The following PCSK5 variants were observed in gnomAD, a reference collection of about 807,000 sequenced individuals.
PCSK5 encodes proprotein convertase subtilisin/kexin type 5.
A neutral mutation model predicts 233.2 loss-of-function variants in PCSK5; 129 were observed. That is an observed-to-expected ratio of 0.55 (90% confidence interval 0.48 to 0.64). PCSK5 has a LOEUF of 0.64. Among genes scored for constraint, PCSK5 ranks in the 30% least tolerant of loss-of-function variants. The pLI is 0.00. For missense variants in PCSK5, 2,076 were observed against 2,430.1 expected, an observed-to-expected ratio of 0.85 and a Z score of 3.06; for synonymous variants, 825 against 879.2, an observed-to-expected ratio of 0.94 and a Z score of 1.09.
At chr9:76,348,806 C>T (rs1234777451) in intron 35 of PCSK5, among the ~76,000 whole-genome samples, 1 of 152,016 alleles carries the variant, frequency 6.6e-6, no homozygotes, top group African/African-American at 2.4e-5. Flanking sequence ...CCTCAGCCCC[C>T]CAGCCCCCAG....
chr9:76,263,435 A>C (rs1249843382), intron 24 of PCSK5, among the ~76,000 whole-genome samples: 4 of 152,242 alleles, frequency 2.6e-5, no homozygotes, highest in Non-Finnish European at 5.9e-5. Flanking sequence ...ACACCACGGA[A>C]TACTATAAAG....
At chr9:76,309,496 C>G (rs538148647) in intron 29 of PCSK5, among the ~76,000 whole-genome samples, 12 of 152,170 alleles carry the variant, frequency 7.9e-5, no homozygotes, top group Admixed American at 5.9e-4. Flanking sequence ...GAGTTGGAGA[C>G]CTGCCTGGCC....
At position 76,310,781 on chromosome 9, in the gene PCSK5, A is replaced by C. The variant is rs2131438498; in HGVS notation, c.3814A>C (p.Lys1272Gln). 1 of 1,612,112 alleles carries C rather than the reference A, an allele frequency of 6.2e-7. No individual in the cohort carries two copies. The highest frequency in any genetic ancestry group is 8.5e-7 in the Non-Finnish European group (1 of 1,179,572). The change falls in exon 30 of 38, where the codon AAA (lysine) becomes CAA (glutamine). Residue 1272 changes from lysine to glutamine, a missense_variant. Around this residue, in one of 6 missense-constraint regions of PCSK5, gnomAD observed 1,510 missense variants for 1,538.1 expected, o/e 0.98. Transcript: ENST00000674117. The part of the protein sequence containing the change: ...CAICSGADLC[K>Q]KCQMQPGHPL... ...CATCTGCTCTGGAGCCGATCTTTGC[A>C]AAAAATGCCAGATGCAGCCGGGCCA...
At chr9:76,129,529 G>A (rs1822669770) in intron 9 of PCSK5, among the ~76,000 whole-genome samples, 1 of 152,094 alleles carries the variant, frequency 6.6e-6, no homozygotes, top group African/African-American at 2.4e-5. Flanking sequence ...AAATTACAAT[G>A]AGGATGTATT....
intron 1 of PCSK5, 82 bp downstream of exon 1, chr9:75,891,455 C>T: frequency 8.7e-7 from 1 of 1,147,840 alleles, no homozygotes; most frequent in Non-Finnish European, 1.2e-6. Context: ...ACCCCCTCCC[C>T]CTCTTCCAGA....
At chr9:76,286,726 T>A (rs781171857) in intron 24 of PCSK5, 1 of 164,086 alleles carries the variant, frequency 6.1e-6, no homozygotes, top group African/African-American at 2.4e-5. Flanking sequence ...TGGAGGTAGG[T>A]TGAAGTCATT....
rs751769055 is a variant in PCSK5 at position 76,323,180 on chromosome 9, G to A, written c.4231G>A (p.Asp1411Asn). 1.1e-5 allele frequency: 17 copies of A among 1,612,734 alleles called. No individual in the cohort carries two copies. The highest frequency in any genetic ancestry group is 5.5e-5 in the South Asian group (5 of 91,082). Residue 1411 changes from aspartate to asparagine, a missense_variant, in exon 32 of 38, where the codon GAC becomes AAC. This residue lies in a region of PCSK5 where 1,510 missense variants were observed against 1,538.1 expected (regional missense o/e 0.98). Transcript: ENST00000674117. ...TCTGGAGTGCAGTGGCCCCAAAGCCGACGACTGCGAGCTCTGTCTTGAGAG... is the reference window on the plus strand; with the variant it reads ...TCTGGAGTGCAGTGGCCCCAAAGCCAACGACTGCGAGCTCTGTCTTGAGAG... ...DCLECSGPKA[D>N]DCELCLESSW...
chr9:76,186,644 C>T (rs976147363), intron 17 of PCSK5, among the ~76,000 whole-genome samples: 3 of 152,172 alleles, frequency 2.0e-5, no homozygotes, highest in African/African-American at 7.2e-5. Context: ...CATTCCTTCT[C>T]CATACAGTGC....
At chr9:76,206,683 G>A (rs1825128114) in intron 20 of PCSK5, among the ~76,000 whole-genome samples, 1 of 152,204 alleles carries the variant, frequency 6.6e-6, no homozygotes, top group Non-Finnish European at 1.5e-5. Flanking sequence ...GTTTCACATA[G>A]CTTTTTGCCC....
At chr9:76,014,658 C>T (rs185202351) in intron 3 of PCSK5, among the ~76,000 whole-genome samples, 5 of 152,280 alleles carry the variant, frequency 3.3e-5, no homozygotes, top group East Asian at 1.9e-4. Context: ...GCCCACCTGT[C>T]GCTATGTTAC....
chr9:76,117,265 G>A (rs1023899291), intron 9 of PCSK5, among the ~76,000 whole-genome samples: 2 of 152,184 alleles, frequency 1.3e-5, no homozygotes, highest in Middle Eastern at 3.4e-3. Flanking sequence ...TGTGTGTGAG[G>A]CCTTGAACTT....
At chr9:75,971,050 A>C (rs1825796997) in intron 2 of PCSK5, among the ~76,000 whole-genome samples, 1 of 152,016 alleles carries the variant, frequency 6.6e-6, no homozygotes, top group Non-Finnish European at 1.5e-5. Flanking sequence ...CCCCACATGC[A>C]TTAGCTATTT....
chr9:76,189,097 CAGG>C lies in PCSK5; in HGVS notation c.2387_2389del (p.Gly796del). On this transcript the variant is annotated inframe_deletion, in exon 19 of 38. Coordinates refer to ENST00000674117, the MANE Select transcript of PCSK5 (RefSeq NM_001372043.1). ...CTGTGTTTGTCTTGCTTTTAAGGGG[CAGG>C]AGCTGATGGGTGCATTAACTGCACA... 2 of 1,613,040 alleles carry C rather than the reference CAGG, an allele frequency of 1.2e-6. No homozygotes were observed. The highest frequency in any genetic ancestry group is 1.7e-6 in the Non-Finnish European group (2 of 1,179,644).
At chr9:75,909,778 G>A (rs77966811) in intron 1 of PCSK5, among the ~76,000 whole-genome samples, 2,748 of 152,304 alleles carry the variant, frequency 0.018, 40 homozygotes, top group South Asian at 0.035. Context: ...AATAAAGCCC[G>A]CAGCAGTTGT....
chr9:76,003,139 G>A (rs968621605), intron 3 of PCSK5, among the ~76,000 whole-genome samples: 4 of 152,200 alleles, frequency 2.6e-5, no homozygotes, highest in Non-Finnish European at 5.9e-5. Flanking sequence ...CGAGGCTATG[G>A]AAAGAGGTCA....
chr9:76,025,944 T>TA lies in PCSK5; in HGVS notation c.556-1007dup, dbSNP rs202102766. 4.3e-3 allele frequency among the ~76,000 whole-genome samples: 638 copies of TA among 149,916 alleles called. 2 individuals are homozygous for TA. Among genetic ancestry groups the TA allele is most frequent in the Middle Eastern group, 0.041 (12 of 292 alleles). ...CCAAAATAATTAATTTTAAAAATAG[T>TA]AAAAAAAAAATAACTGGGTGTGATG... On this transcript the variant is annotated intron_variant, in intron 4 of 37. Coordinates refer to ENST00000674117, the MANE Select transcript of PCSK5 (RefSeq NM_001372043.1).
intron 32 of PCSK5, among the ~76,000 whole-genome samples, chr9:76,326,406 T>A (rs957061335): frequency 2.6e-5 from 4 of 151,136 alleles, no homozygotes; most frequent in Non-Finnish European, 5.9e-5. Context: ...AAAAAAAATC[T>A]GTAAGCAGGA....
chr9:75,986,091 C>A, intron 2 of PCSK5, 41 bp from the exon 3 acceptor site: 2 of 1,150,950 alleles, frequency 1.7e-6, no homozygotes, highest in South Asian at 1.2e-5. Flanking sequence ...TGTAATAACC[C>A]TGATGGAACG....
chr9:76,181,358 C>T (rs1315671527), intron 15 of PCSK5, 40 bp from the exon 16 acceptor site: 2 of 1,562,948 alleles, frequency 1.3e-6, no homozygotes, highest in Non-Finnish European at 1.7e-6. Context: ...GACTGGTTTG[C>T]TCATGACGCT....
Sources: gnomAD v4.1 joint callset for allele counts (sites outside exome capture counted in the v4.1 genomes callset) on GRCh38, gnomAD v4.1.1 for gene constraint, gnomAD v4.1.1 regional missense constraint, MANE v1.5 for transcripts, NCBI Gene and HGNC (gene_info 2026-07-23, HGNC 2026-07-21) for gene names.